ST8SIA1: variants seen among roughly 807,000 people sequenced by gnomAD.
The protein encoded by ST8SIA1 is alpha-N-acetylneuraminide alpha-2,8-sialyltransferase.
Under a neutral mutation model 35.9 loss-of-function variants are expected in ST8SIA1, and 16 were observed. That is an observed-to-expected ratio of 0.45 (90% CI 0.30 to 0.68). The LOEUF (loss-of-function observed/expected upper bound fraction) is 0.68. ST8SIA1 is among the 30% of genes least tolerant of loss of function. ST8SIA1 has a pLI of 0.09. For missense variants in ST8SIA1, 383 were observed against 453.6 expected, an observed-to-expected ratio of 0.84 and a Z score of 1.41; for synonymous variants, 170 against 169.6, an observed-to-expected ratio of 1.00 and a Z score of -0.02.
chr12:22,232,823 G>A (rs1466006264), intron 4 of ST8SIA1, among the ~76,000 whole-genome samples: 1 of 151,990 alleles, frequency 6.6e-6, no homozygotes, highest in African/African-American at 2.4e-5. Flanking sequence ...AGGTGACAGA[G>A]ACTCTGCCTC....
chr12:22,204,154 A>G (rs943936705), intron 4 of ST8SIA1, among the ~76,000 whole-genome samples: 1 of 149,448 alleles, frequency 6.7e-6, no homozygotes, highest in Non-Finnish European at 1.5e-5. Context: ...TAAAGAACTC[A>G]TGTTCCAAAG....
intron 3 of ST8SIA1, among the ~76,000 whole-genome samples, chr12:22,254,296 A>G (rs1417682660): frequency 6.6e-6 from 1 of 151,912 alleles, no homozygotes; most frequent in Non-Finnish European, 1.5e-5. Flanking sequence ...CCCTCCAGAA[A>G]GCCATTCTTT....
At chr12:22,271,918 A>G (rs1865915199) in intron 2 of ST8SIA1, among the ~76,000 whole-genome samples, 1 of 152,200 alleles carries the variant, frequency 6.6e-6, no homozygotes, top group Non-Finnish European at 1.5e-5. Context: ...CCCTCTTTTT[A>G]AAGACATGAC....
chr12:22,260,069 C>T (rs549301569), intron 2 of ST8SIA1, among the ~76,000 whole-genome samples: 15 of 152,092 alleles, frequency 9.9e-5, no homozygotes, highest in East Asian at 3.9e-4. Context: ...TACTATAACA[C>T]TCTTGCTAAC....
chr12:22,221,587 C>T (rs1468925064), intron 4 of ST8SIA1, among the ~76,000 whole-genome samples: 1 of 152,178 alleles, frequency 6.6e-6, no homozygotes, highest in Non-Finnish European at 1.5e-5. Context: ...CATTTCACCT[C>T]CAATTCTTTA....
At position 22,193,563 on chromosome 12, in the gene ST8SIA1, TTCGGTGGAAAGAAGCAA is replaced by T. The variant is rs1159627200; in HGVS notation, c.*7972_*7988del. On this transcript the variant is annotated 3_prime_UTR_variant, in exon 5 of 5. Coordinates refer to ENST00000396037, the MANE Select transcript of ST8SIA1 (RefSeq NM_003034.4). Reference sequence around the variant, plus strand: ...CTCCTCCTATGACATTGCATTTAGATTCGGTGGAAAGAAGCAAGTCAGCAGAACCAACAGAGATAGAT... The same window carrying T: ...CTCCTCCTATGACATTGCATTTAGATGTCAGCAGAACCAACAGAGATAGAT... The T allele has an allele frequency of 6.6e-6, 1 of 152,212 alleles. No individual in the cohort carries two copies. The allele number at this position is 152,212 out of a possible 1,614,324, so 9.4% of individuals were successfully genotyped here.
chr12:22,334,035 C>T lies in ST8SIA1; in HGVS notation c.198G>A (p.Thr66=), dbSNP rs766742461. The T allele has an allele frequency of 5.6e-6, 9 of 1,613,834 alleles. No homozygotes were observed. In the Admixed American group the frequency reaches 6.7e-5, roughly 12 times the overall value. The part of the protein sequence containing the change: ...EIVQGVLQQG[T]AWRRNQTAAR... ...CCGCGGTCTGGTTCCTCCTCCACGC[C>T]GTGCCCTGTTGCAGCACCCCCTGCA... Residue 66 remains threonine (T), a synonymous_variant, in exon 1 of 5, where the codon ACG becomes ACA. Transcript: ENST00000396037.
rs1040723101 is a variant in ST8SIA1 at position 22,195,768 on chromosome 12, T to C, written c.*5784A>G. On this transcript the variant is annotated 3_prime_UTR_variant, in exon 5 of 5. Transcript: ENST00000396037. ...CAAATTAAAACCAAGATTTTGTCTC[T>C]CTTTTTTTCAGTTTGGTTAAACCTT... 6.6e-5 allele frequency: 10 copies of C among 152,334 alleles called. No individual in the cohort carries two copies. The highest frequency in any genetic ancestry group is 6.2e-4 in the South Asian group (3 of 4,822). The allele number at this position is 152,334 out of a possible 1,614,324, so 9.4% of individuals were successfully genotyped here. A position where few individuals can be genotyped will look rare whatever the true frequency, so the allele number is the denominator to read the frequency against.
rs201316459 is a variant in ST8SIA1 at position 22,256,884 on chromosome 12, G to A, written c.382-1495C>T. On this transcript the variant is annotated intron_variant, in intron 2 of 4. Coordinates refer to ENST00000396037, the MANE Select transcript of ST8SIA1 (RefSeq NM_003034.4). ...AGAGAGAAGAGACGGGCAAGAAACA[G>A]AGGGCTTGGAATCAACACTAGAAAA... 2.0e-5 allele frequency among the ~76,000 whole-genome samples: 3 copies of A among 152,198 alleles called. No homozygotes were observed. The East Asian group carries it at 5.8e-4, about 29-fold the overall frequency.
chr12:22,265,032 C>G (rs1865830838), intron 2 of ST8SIA1, among the ~76,000 whole-genome samples: 1 of 152,178 alleles, frequency 6.6e-6, no homozygotes, highest in Non-Finnish European at 1.5e-5. Context: ...ATCTGTTATT[C>G]TGGATACAAC....
At chr12:22,326,815 T>G (rs1866688064) in intron 1 of ST8SIA1, among the ~76,000 whole-genome samples, 1 of 152,238 alleles carries the variant, frequency 6.6e-6, no homozygotes, top group Non-Finnish European at 1.5e-5. Flanking sequence ...CAGCTCCTGA[T>G]AGAGCCAGGT....
At chr12:22,231,123 A>T (rs2120693939) in intron 4 of ST8SIA1, among the ~76,000 whole-genome samples, 1 of 148,338 alleles carries the variant, frequency 6.7e-6, no homozygotes, top group African/African-American at 2.4e-5. Context: ...AATTATACTT[A>T]ATTATATATA....
chr12:22,314,245 A>G (rs1866487663), intron 1 of ST8SIA1, among the ~76,000 whole-genome samples: 1 of 152,158 alleles, frequency 6.6e-6, no homozygotes, highest in African/African-American at 2.4e-5. Context: ...CCTTCACGGT[A>G]TGTTTTTAGC....
rs1386723368 is a variant in ST8SIA1 at position 22,193,552 on chromosome 12, T to C, written c.*8000A>G. Reference sequence around the variant, plus strand: ...TTACAGCAAACCTCCTCCTATGACATTGCATTTAGATTCGGTGGAAAGAAG... The same window carrying C: ...TTACAGCAAACCTCCTCCTATGACACTGCATTTAGATTCGGTGGAAAGAAG... On this transcript the variant is annotated 3_prime_UTR_variant, in exon 5 of 5. Transcript: ENST00000396037. The C allele has an allele frequency of 6.6e-6, 1 of 152,166 alleles. No homozygotes were observed. Among genetic ancestry groups the C allele is most frequent in the African/African-American group, 2.4e-5 (1 of 41,446 alleles). The allele number at this position is 152,166 out of a possible 1,614,324, so 9.4% of individuals were successfully genotyped here. A position where few individuals can be genotyped will look rare whatever the true frequency, so the allele number is the denominator to read the frequency against.
At chr12:22,293,571 T>C (rs1866206388) in intron 1 of ST8SIA1, among the ~76,000 whole-genome samples, 1 of 152,226 alleles carries the variant, frequency 6.6e-6, no homozygotes, top group Non-Finnish European at 1.5e-5. Context: ...CAGAGCCTGA[T>C]TCATGACTGA....
intron 4 of ST8SIA1, among the ~76,000 whole-genome samples, chr12:22,244,811 G>A (rs866470177): frequency 1.3e-5 from 2 of 152,078 alleles, no homozygotes; most frequent in African/African-American, 4.8e-5. Context: ...ATGAGGTAGA[G>A]GTTTAATTTA....
chr12:22,272,874 A>T (rs963570663), intron 2 of ST8SIA1, among the ~76,000 whole-genome samples: 23 of 152,364 alleles, frequency 1.5e-4, no homozygotes, highest in Middle Eastern at 3.4e-3. Context: ...CTGAGCTGAC[A>T]TCTCTGACTG....
rs556583418 is a variant in ST8SIA1 at position 22,322,600 on chromosome 12, T to C, written c.236+11397A>G. On this transcript the variant is annotated intron_variant, in intron 1 of 4. Transcript: ENST00000396037. Reference sequence around the variant, plus strand: ...TGACCAGGGACTTGAGACAGACATATATCAACAAGACTTCATTTCTAGCCC... The same window carrying C: ...TGACCAGGGACTTGAGACAGACATACATCAACAAGACTTCATTTCTAGCCC... Among the ~76,000 whole-genome samples, 15 of 152,334 alleles carry C rather than the reference T, an allele frequency of 9.8e-5. No individual in the cohort carries two copies. In the South Asian group the frequency reaches 3.1e-3, roughly 32 times the overall value.
At chr12:22,214,331 A>G (rs1456513252) in intron 4 of ST8SIA1, among the ~76,000 whole-genome samples, 1 of 152,140 alleles carries the variant, frequency 6.6e-6, no homozygotes, top group Admixed American at 6.6e-5. Context: ...AAGGTATGAG[A>G]TATTTTATAG....
Sources: gnomAD v4.1 joint callset for allele counts (sites outside exome capture counted in the v4.1 genomes callset) on GRCh38, gnomAD v4.1.1 for gene constraint, MANE v1.5 for transcripts, NCBI Gene and HGNC (gene_info 2026-07-23, HGNC 2026-07-21) for gene names.